ERLEC1: variants seen among roughly 807,000 people sequenced by gnomAD.
The protein encoded by ERLEC1 is ER lectin.
Under a neutral mutation model 68.0 loss-of-function variants are expected in ERLEC1, and 47 were observed. The observed-to-expected ratio is 0.69, with a 90% CI of 0.55 to 0.88. The LOEUF (loss-of-function observed/expected upper bound fraction) is 0.88, where lower values mean the gene tolerates loss of function less well. Ranked by LOEUF, ERLEC1 falls within the 40% of genes least tolerant of loss-of-function variation. The pLI is 0.00. For synonymous variants in ERLEC1, 225 were observed against 203.2 expected (o/e 1.11, Z -0.91); for missense variants, 567 against 583.8 (o/e 0.97, Z 0.30).
In ERLEC1 at chr2:53,794,366, A is replaced by G. The variant is rs1181008476; in HGVS notation, c.184A>G (p.Lys62Glu). 2 of 1,557,452 alleles carry G rather than the reference A, an allele frequency of 1.3e-6. No individual in the cohort carries two copies. Among genetic ancestry groups the G allele is most frequent in the Non-Finnish European group, 1.7e-6 (2 of 1,144,090 alleles). Residue 62 changes from lysine (K) to glutamate (E), a missense_variant, in exon 2 of 14, where the codon AAA (lysine) becomes GAA (glutamate). Lys to Glu is a moderately conservative substitution (Grantham distance 56). Transcript: ENST00000185150. ...GCAGCCCACAACTGGAGTTTTATAT[A>G]AAGAAGATAATTATGTCATCATGAC... is the stretch of plus-strand genomic sequence containing the variant. ...FSLPTTGVLY[K>E]EDNYVIMTTA...
At chr2:53,817,859 G>C (rs1553394204) in intron 13 of ERLEC1, 39 bp from the exon 14 acceptor site, 1 of 1,321,498 alleles carries the variant, frequency 7.6e-7, no homozygotes, top group South Asian at 1.2e-5. Context: ...AAAGTATTCA[G>C]CTTAGCAACT....
chr2:53,793,952 G>A (rs574468522), intron 1 of ERLEC1, among the ~76,000 whole-genome samples: 18 of 152,168 alleles, frequency 1.2e-4, no homozygotes, highest in African/African-American at 2.4e-4. Context: ...ACCAAATACC[G>A]TATGTTTTCA....
At chr2:53,798,382 C>T (rs1432710568) in intron 5 of ERLEC1, among the ~76,000 whole-genome samples, 2 of 151,772 alleles carry the variant, frequency 1.3e-5, no homozygotes, top group Non-Finnish European at 2.9e-5. Flanking sequence ...CTGCCTCAGC[C>T]TCCCAAGTAG....
In ERLEC1 at chr2:53,812,998, A is replaced by G; in HGVS notation, c.1151A>G (p.Glu384Gly). 1 of 1,613,828 alleles carries G rather than the reference A, an allele frequency of 6.2e-7. No homozygotes were observed. Among genetic ancestry groups the G allele is most frequent in the Non-Finnish European group, 8.5e-7 (1 of 1,179,924 alleles). Residue 384 changes from glutamate to glycine, a missense_variant, in exon 11 of 14, where the codon GAA (glutamate) becomes GGA (glycine). Transcript: ENST00000185150. ...TSVVVGTWNQ[E>G]EHIEWAKKNT... is the part of the protein sequence containing the mutation. Reference sequence around the variant, plus strand: ...GTGGTTGTCGGGACATGGAACCAAGAAGAGCATATTGAATGGGCTAAGAAG... The same window carrying G: ...GTGGTTGTCGGGACATGGAACCAAGGAGAGCATATTGAATGGGCTAAGAAG...
chr2:53,812,977 T>C lies in ERLEC1; in HGVS notation c.1130T>C (p.Val377Ala). Reference protein sequence around the residue: ...EDKDSGKTSVVVGTWNQEEHI... With the variant: ...EDKDSGKTSVAVGTWNQEEHI... ...AAGGATAGTGGGAAAACCTCTGTGG[T>C]TGTCGGGACATGGAACCAAGAAGAG... Residue 377 changes from valine to alanine, a missense_variant, in exon 11 of 14, where the codon GTT becomes GCT. Physicochemically the swap from Val to Ala is moderately conservative, Grantham distance 64 (BLOSUM62 0). Coordinates refer to ENST00000185150, the MANE Select transcript of ERLEC1 (RefSeq NM_015701.5). 1 of 1,613,372 alleles carries C rather than the reference T, an allele frequency of 6.2e-7. No individual in the cohort carries two copies. Among genetic ancestry groups the C allele is most frequent in the Non-Finnish European group, 8.5e-7 (1 of 1,179,872 alleles).
chr2:53,800,903 A>T (rs761478003), intron 6 of ERLEC1, among the ~76,000 whole-genome samples: 5 of 152,154 alleles, frequency 3.3e-5, no homozygotes, highest in African/African-American at 4.8e-5. Context: ...TCAGTACTGT[A>T]TTTAAACTTC....
chr2:53,798,094 C>G (rs1380150692), intron 5 of ERLEC1, among the ~76,000 whole-genome samples: 1 of 151,858 alleles, frequency 6.6e-6, no homozygotes, highest in Non-Finnish European at 1.5e-5. Context: ...ACTTGGGAGG[C>G]TGAGGCAGGA....
At chr2:53,815,224 T>G (rs1676816126) in intron 13 of ERLEC1, among the ~76,000 whole-genome samples, 1 of 152,026 alleles carries the variant, frequency 6.6e-6, no homozygotes, top group South Asian at 2.1e-4. Context: ...CAGGCTGGTC[T>G]CAAACTCCTG....
At chr2:53,813,156 C>A in intron 11 of ERLEC1, 83 bp downstream of exon 11, 1 of 1,497,684 alleles carries the variant, frequency 6.7e-7, no homozygotes, top group Non-Finnish European at 9.0e-7. Flanking sequence ...AAAATTCAAA[C>A]ATTTAAGTAA....
rs1290804970 is a variant in ERLEC1 at position 53,791,905 on chromosome 2, TTAA to T, written c.163-2439_163-2437del. Among the ~76,000 whole-genome samples, 118 of 123,362 alleles carry T rather than the reference TTAA, an allele frequency of 9.6e-4. 1 individual carries two copies. The highest frequency in any genetic ancestry group is 9.4e-3 in the East Asian group (40 of 4,262). 80.9% of individuals were successfully genotyped at this position (123,362 alleles called of 152,430 possible). A position where few individuals can be genotyped will look rare whatever the true frequency, so the allele number is the denominator to read the frequency against. On this transcript the variant is annotated intron_variant, in intron 1 of 13. Coordinates refer to ENST00000185150, the MANE Select transcript of ERLEC1 (RefSeq NM_015701.5). Reference sequence around the variant, plus strand: ...TTCCCTCATCATCTATAATGCTCTTTTAAAAAAAAAAAAAAAAAAAAAAAAAGA... The same window carrying T: ...TTCCCTCATCATCTATAATGCTCTTTAAAAAAAAAAAAAAAAAAAAAAAGA...
In ERLEC1 at chr2:53,807,013, C is replaced by T. The variant is rs2287343; in HGVS notation, c.880-1286C>T. Among the ~76,000 whole-genome samples, 16 of 152,316 alleles carry T rather than the reference C, an allele frequency of 1.1e-4. No individual in the cohort carries two copies. The East Asian group carries it at 3.1e-3, about 29-fold the overall frequency. On this transcript the variant is annotated intron_variant, in intron 8 of 13. Transcript: ENST00000185150. ...TTACTGTAACTCCTAACTTGACTCT[C>T]TTCCTCTAGATTTGTCCCTGCTATT...
chr2:53,790,923 C>CT (rs1675360372), intron 1 of ERLEC1, among the ~76,000 whole-genome samples: 1 of 152,138 alleles, frequency 6.6e-6, no homozygotes, highest in Non-Finnish European at 1.5e-5. Context: ...TTATTCATTA[C>CT]TTTATAGAGT....
In ERLEC1 at chr2:53,787,134, TC is replaced by T; in HGVS notation, c.-75del. The T allele has an allele frequency of 1.5e-6, 1 of 648,474 alleles. No homozygotes were observed. 40.2% of individuals were successfully genotyped at this position (648,474 alleles called of 1,614,324 possible). On this transcript the variant is annotated 5_prime_UTR_variant, in exon 1 of 14. Coordinates refer to ENST00000185150, the MANE Select transcript of ERLEC1 (RefSeq NM_015701.5). The stretch of plus-strand genomic sequence containing the variant: ...GCTTTATAGTCCCGCCGCCTCCTCC[TC>T]CACCTCCTCCTCCTCCTCCTCTCCT...
chr2:53,789,638 T>A (rs1675276515), intron 1 of ERLEC1, among the ~76,000 whole-genome samples: 1 of 152,142 alleles, frequency 6.6e-6, no homozygotes, highest in Non-Finnish European at 1.5e-5. Flanking sequence ...ATGTCCTTTA[T>A]GTAAAAATAA....
In ERLEC1 at chr2:53,808,610, C is replaced by T. The variant is rs997548939; in HGVS notation, c.1041+150C>T. On this transcript the variant is annotated intron_variant, in intron 9 of 13. Coordinates refer to ENST00000185150, the MANE Select transcript of ERLEC1 (RefSeq NM_015701.5). ...AAAGAACATTTTCTTTTTGCAGTCT[C>T]ATACCCCCACGTTTCTGTAATCTAA... 7.0e-6 allele frequency: 5 copies of T among 715,008 alleles called. No homozygotes were observed. The East Asian group carries it at 1.4e-4, about 19-fold the overall frequency. 44.3% of individuals were successfully genotyped at this position (715,008 alleles called of 1,614,324 possible). A position where few individuals can be genotyped will look rare whatever the true frequency, so the allele number is the denominator to read the frequency against.
intron 5 of ERLEC1, among the ~76,000 whole-genome samples, chr2:53,798,197 A>G (rs1006818672): frequency 1.3e-5 from 2 of 152,158 alleles, no homozygotes; most frequent in Middle Eastern, 3.2e-3. Flanking sequence ...TCCATTTCAA[A>G]ATAAAATAAA....
At chr2:53,801,343 C>G (rs1483714737) in intron 6 of ERLEC1, 54 bp from the exon 7 acceptor site, 1 of 1,340,940 alleles carries the variant, frequency 7.5e-7, no homozygotes, top group African/African-American at 1.4e-5. Flanking sequence ...CTCCCACCCC[C>G]AGTCCCATCT....
chr2:53,797,619 T>C, intron 4 of ERLEC1, 27 bp downstream of exon 4: 1 of 1,593,560 alleles, frequency 6.3e-7, no homozygotes, highest in Non-Finnish European at 8.6e-7. Flanking sequence ...AATATTATTA[T>C]GAAACATTAT....
In ERLEC1 at chr2:53,787,379, GC is replaced by G; in HGVS notation, c.162+10del. 1 of 1,605,286 alleles carries G rather than the reference GC, an allele frequency of 6.2e-7. No individual in the cohort carries two copies. Among genetic ancestry groups the G allele is most frequent in the Non-Finnish European group, 8.5e-7 (1 of 1,175,916 alleles). On this transcript the variant is annotated splice_region_variant and intron_variant, in intron 1 of 13. Transcript: ENST00000185150. ...CGGCACCGAGTTCTCTCTGGTCAGT[GC>G]CCTCACTAACCCCGCAGCCACCCCT...
Sources: allele counts gnomAD v4.1 joint callset (sites outside exome capture counted in the v4.1 genomes callset), GRCh38; gene constraint gnomAD v4.1.1; transcripts MANE v1.5; gene names NCBI Gene and HGNC (gene_info 2026-07-23, HGNC 2026-07-21).